LITAF: variants seen among roughly 807,000 people sequenced by gnomAD.
The protein encoded by LITAF is lipopolysaccharide-induced tumor necrosis factor-alpha factor.
LITAF carries 9 observed loss-of-function variants against 14.5 expected under a neutral mutation model. That is an observed-to-expected ratio of 0.62 (90% confidence interval 0.37 to 1.08). LITAF has a LOEUF of 1.08. LITAF is among the 50% of genes least tolerant of loss of function. LITAF has a pLI of 0.01. For synonymous variants in LITAF, 98 were observed against 88.2 expected, an observed-to-expected ratio of 1.11 and a Z score of -0.62; for missense variants, 206 against 213.4, an observed-to-expected ratio of 0.97 and a Z score of 0.22.
chr16:11,600,773 G>A (rs962717299), upstream of LITAF, among the ~76,000 whole-genome samples: 3 of 152,026 alleles, frequency 2.0e-5, no homozygotes, highest in Non-Finnish European at 1.5e-5. This position sits in a 1 kb window ranked among gnomAD's most constrained non-coding sequence, Gnocchi z 4.1. Context: ...CTGCCTTCAG[G>A]TAGGGGCACC....
chr16:11,637,347 G>T (rs2065142090), upstream of LITAF, among the ~76,000 whole-genome samples: 1 of 152,226 alleles, frequency 6.6e-6, no homozygotes, highest in Non-Finnish European at 1.5e-5. Flanking sequence ...CAGTAGAGTG[G>T]TCCAGTTCTG....
chr16:11,557,806 A>C (rs1391052824), intron 1 of LITAF, among the ~76,000 whole-genome samples: 1 of 152,184 alleles, frequency 6.6e-6, no homozygotes, highest in Non-Finnish European at 1.5e-5. Flanking sequence ...TCTCATTTTG[A>C]AAAATGAGCA....
chr16:11,607,144 C>A (rs2064958996), intron 3 of LITAF, among the ~76,000 whole-genome samples: 1 of 152,226 alleles, frequency 6.6e-6, no homozygotes, highest in African/African-American at 2.4e-5. Flanking sequence ...CAGTGTGGAC[C>A]ACGTTTTCTG....
chr16:11,612,624 G>A (rs1054750398), intron 3 of LITAF, among the ~76,000 whole-genome samples: 4 of 152,216 alleles, frequency 2.6e-5, no homozygotes, highest in African/African-American at 9.6e-5. Context: ...ACAAGGCCCA[G>A]GCAGGAGCCC....
intron 3 of LITAF, among the ~76,000 whole-genome samples, chr16:11,550,956 AC>A (rs1355767637): frequency 6.6e-6 from 1 of 151,948 alleles, no homozygotes; most frequent in Non-Finnish European, 1.5e-5. Context: ...CGTTTTGCCA[AC>A]CCCCGTCTTA....
chr16:11,604,984 G>A (rs536110393), intron 3 of LITAF, among the ~76,000 whole-genome samples: 1 of 152,268 alleles, frequency 6.6e-6, no homozygotes, highest in East Asian at 1.9e-4. Context: ...GTTCTCCTGT[G>A]TCGGGAAGTT....
chr16:11,567,364 G>T (rs1231173108), intron 1 of LITAF, among the ~76,000 whole-genome samples: 1 of 151,612 alleles, frequency 6.6e-6, no homozygotes, highest in African/African-American at 2.4e-5. Flanking sequence ...AGATTGCAGT[G>T]AGCTGAGATC....
chr16:11,612,625 G>A (rs1198765693), intron 3 of LITAF, among the ~76,000 whole-genome samples: 1 of 152,184 alleles, frequency 6.6e-6, no homozygotes, highest in South Asian at 2.1e-4. Flanking sequence ...CAAGGCCCAG[G>A]CAGGAGCCCT....
chr16:11,547,755 C>CTA lies in LITAF; in HGVS notation c.*1880_*1881dup, dbSNP rs2064126898. 1 of 453,064 alleles carries CTA rather than the reference C, an allele frequency of 2.2e-6. No individual in the cohort carries two copies. The allele number at this position is 453,064 out of a possible 1,614,324, so 28.1% of individuals were successfully genotyped here. On this transcript the variant is annotated 3_prime_UTR_variant, in exon 4 of 4. Coordinates refer to ENST00000622633, the MANE Select transcript of LITAF (RefSeq NM_001136472.2). ...TGTGCATTTTATTAAAACTTGAAAG[C>CTA]TATGGCTTGCCGCCATCAATGACGC...
intron 3 of LITAF, among the ~76,000 whole-genome samples, chr16:11,613,117 G>A (rs1170197628): frequency 6.6e-6 from 1 of 152,120 alleles, no homozygotes; most frequent in Admixed American, 6.6e-5. Context: ...TCGACTCACT[G>A]TAACCTCCAT....
chr16:11,589,490 C>A (rs1159406472), upstream of LITAF, among the ~76,000 whole-genome samples: 1 of 152,136 alleles, frequency 6.6e-6, no homozygotes, highest in Non-Finnish European at 1.5e-5. Flanking sequence ...TAAAGTGAAG[C>A]TATCTCTATT....
rs1402115095 is a variant in LITAF, at chr16:11,624,886, G to T, written c.85+8647C>A. 5.3e-5 allele frequency among the ~76,000 whole-genome samples: 8 copies of T among 152,194 alleles called. No individual in the cohort carries two copies. In the South Asian group the frequency reaches 1.7e-3, roughly 32 times the overall value. On this transcript the variant is annotated intron_variant, in intron 3 of 3. Transcript: ENST00000574848. ...AAATTTTGAGGCTAAGACTTAAGAGGCTTAGTTTCCACTCTGACCCTCCTG... is the reference window on the plus strand; with the variant it reads ...AAATTTTGAGGCTAAGACTTAAGAGTCTTAGTTTCCACTCTGACCCTCCTG...
intron 1 of LITAF, among the ~76,000 whole-genome samples, chr16:11,567,327 G>C (rs1266170000): frequency 6.6e-6 from 1 of 152,152 alleles, no homozygotes; most frequent in Middle Eastern, 3.4e-3. Context: ...GGCTGAGGCA[G>C]GAGAATTGCT....
intron 3 of LITAF, among the ~76,000 whole-genome samples, chr16:11,615,652 A>T (rs1201475046): frequency 2.0e-5 from 3 of 152,212 alleles, no homozygotes; most frequent in African/African-American, 7.2e-5. Context: ...TGGGAGACAG[A>T]GTGAGACTAT....
chr16:11,635,618 C>T (rs915846231), intron 2 of LITAF, among the ~76,000 whole-genome samples: 12 of 152,192 alleles, frequency 7.9e-5, no homozygotes, highest in Non-Finnish European at 1.2e-4. Context: ...GACCCTGGGC[C>T]GCAGTAGCCT....
intron 1 of LITAF, among the ~76,000 whole-genome samples, chr16:11,594,186 G>GAAA (rs34586225): frequency 6.9e-6 from 1 of 144,020 alleles, no homozygotes; most frequent in Non-Finnish European, 1.5e-5. Context: ...ACCCTGTCTC[G>GAAA]AAAAAAAAAA....
chr16:11,617,632 G>A (rs1369720416), intron 3 of LITAF, among the ~76,000 whole-genome samples: 1 of 151,442 alleles, frequency 6.6e-6, no homozygotes, highest in Non-Finnish European at 1.5e-5. Flanking sequence ...TCACCATATT[G>A]GCCAGACTGG....
Position 11,556,542 on chromosome 16 carries a change from G to A in LITAF, c.189C>T (p.Thr63=), listed in dbSNP as rs761302725. 1 of 1,614,128 alleles carries A rather than the reference G, an allele frequency of 6.2e-7. No homozygotes were observed. The highest frequency in any genetic ancestry group is 1.7e-5 in the Admixed American group (1 of 60,006). Reference sequence around the variant, plus strand: ...TGTTATTGGGGATGGGCGCTGGCTGGGTATAATACGAAGGAGGATTCATGC... The same window carrying A: ...TGTTATTGGGGATGGGCGCTGGCTGAGTATAATACGAAGGAGGATTCATGC... ...GKGMNPPSYY[T]QPAPIPNNNP... is the part of the protein sequence containing the mutation. The change falls in exon 2 of 4, where the codon ACC becomes ACT. Residue 63 remains threonine (T), a synonymous_variant. Transcript: ENST00000622633.
At chr16:11,603,854 C>T (rs1296272251) in intron 3 of LITAF, among the ~76,000 whole-genome samples, 1 of 150,970 alleles carries the variant, frequency 6.6e-6, no homozygotes, top group Non-Finnish European at 1.5e-5. Context: ...ACCATCCTGG[C>T]TAACACAGTG....
Sources: allele counts gnomAD v4.1 joint callset (sites outside exome capture counted in the v4.1 genomes callset), GRCh38; gene constraint gnomAD v4.1.1; non-coding constraint Gnocchi (gnomAD v3.1); transcripts MANE v1.5; gene names NCBI Gene and HGNC (gene_info 2026-07-23, HGNC 2026-07-21).